Variants in ARL5B observed in about 807,000 individuals in gnomAD.
ARL5B encodes ARF like GTPase 5B.
A neutral mutation model predicts 26.9 loss-of-function variants in ARL5B; 10 were observed. The ratio of observed to expected loss-of-function variants is 0.37; its 90% CI spans 0.23 to 0.63. ARL5B has a LOEUF of 0.63. Among genes scored for constraint, ARL5B ranks in the 30% least tolerant of loss-of-function variants. ARL5B has a pLI of 0.62. For missense variants in ARL5B, 167 were observed against 213.9 expected (o/e 0.78, Z 1.37); for synonymous variants, 87 against 70.4 (o/e 1.24, Z -1.18).
intron 3 of ARL5B, among the ~76,000 whole-genome samples, chr10:18,671,751 A>G (rs955271329): frequency 1.3e-5 from 2 of 151,576 alleles, no homozygotes; most frequent in Non-Finnish European, 2.9e-5. Context: ...TACAGCCTCA[A>G]CTTCCTAGGC....
At chr10:18,665,808 A>G (rs886620640) in intron 1 of ARL5B, among the ~76,000 whole-genome samples, 1 of 152,228 alleles carries the variant, frequency 6.6e-6, no homozygotes, top group African/African-American at 2.4e-5. Context: ...TCTAGGAAAG[A>G]TGGTATCTGG....
chr10:18,676,001 T>C lies in ARL5B; in HGVS notation c.*785T>C, dbSNP rs2059908886. ...TAAGAATATCACATTATTCAATGCA[T>C]ATAAAACTATCAGAAGTTAGTAAAT... On this transcript the variant is annotated 3_prime_UTR_variant, in exon 6 of 6. Coordinates refer to ENST00000377275, the MANE Select transcript of ARL5B (RefSeq NM_178815.5). 6.6e-6 allele frequency: 1 copy of C among 152,102 alleles called. No homozygotes were observed. Among genetic ancestry groups the C allele is most frequent in the African/African-American group, 2.4e-5 (1 of 41,438 alleles). 9.4% of individuals were successfully genotyped at this position (152,102 alleles called of 1,614,324 possible).
intron 1 of ARL5B, among the ~76,000 whole-genome samples, chr10:18,661,131 G>A (rs1358473488): frequency 6.6e-6 from 1 of 152,226 alleles, no homozygotes; most frequent in Non-Finnish European, 1.5e-5. Context: ...TTACAGGTGT[G>A]AGCCACCGCG....
At position 18,679,763 on chromosome 10, in the gene ARL5B, C is replaced by A. The variant is rs1272699016; in HGVS notation, c.*4547C>A. The A allele has an allele frequency of 6.6e-6, 1 of 151,770 alleles. No individual in the cohort carries two copies. Among genetic ancestry groups the A allele is most frequent in the Non-Finnish European group, 1.5e-5 (1 of 67,832 alleles). The allele number at this position is 151,770 out of a possible 1,614,324, so 9.4% of individuals were successfully genotyped here. On this transcript the variant is annotated 3_prime_UTR_variant, in exon 6 of 6. Coordinates refer to ENST00000377275, the MANE Select transcript of ARL5B (RefSeq NM_178815.5). ...GCATACGAAAAACAAATTCAAAGCA[C>A]TTGAAAGTAAAGACAATATCATGAG...
At chr10:18,666,764 AT>A in intron 2 of ARL5B, 129 bp downstream of exon 2, 3 of 701,130 alleles carry the variant, frequency 4.3e-6, no homozygotes, top group Non-Finnish European at 6.6e-6. Flanking sequence ...TGTTTTTTTA[AT>A]TTTACCGAAC....
intron 1 of ARL5B, among the ~76,000 whole-genome samples, chr10:18,661,860 G>C (rs1438625609): frequency 6.6e-6 from 1 of 152,152 alleles, no homozygotes; most frequent in African/African-American, 2.4e-5. Flanking sequence ...GGTACTTTTA[G>C]GGAAGCTGAA....
In ARL5B at chr10:18,677,851, T is replaced by C. The variant is rs2059916841; in HGVS notation, c.*2635T>C. ...CCTCCATGTATTGGTTAGCACAGTT[T>C]ATAGTAAGTGAAAAGCAAGGGACCC... On this transcript the variant is annotated 3_prime_UTR_variant, in exon 6 of 6. Transcript: ENST00000377275. 1 of 152,194 alleles carries C rather than the reference T, an allele frequency of 6.6e-6. No individual in the cohort carries two copies. Among genetic ancestry groups the C allele is most frequent in the South Asian group, 2.1e-4 (1 of 4,828 alleles). The allele number at this position is 152,194 out of a possible 1,614,324, so 9.4% of individuals were successfully genotyped here. A position where few individuals can be genotyped will look rare whatever the true frequency, so the allele number is the denominator to read the frequency against.
At position 18,679,743 on chromosome 10, in the gene ARL5B, C is replaced by T. The variant is rs1358210278; in HGVS notation, c.*4527C>T. 1 of 151,608 alleles carries T rather than the reference C, an allele frequency of 6.6e-6. No individual in the cohort carries two copies. The highest frequency in any genetic ancestry group is 1.5e-5 in the Non-Finnish European group (1 of 67,822). 9.4% of individuals were successfully genotyped at this position (151,608 alleles called of 1,614,324 possible). On this transcript the variant is annotated 3_prime_UTR_variant, in exon 6 of 6. Coordinates refer to ENST00000377275, the MANE Select transcript of ARL5B (RefSeq NM_178815.5). ...ATTAATTTGGAGGTTTAGAAGCATA[C>T]GAAAAACAAATTCAAAGCACTTGAA...
Position 18,667,152 on chromosome 10 carries a change from T to A in ARL5B, c.107+517T>A, listed in dbSNP as rs147798566. 1.9e-3 allele frequency among the ~76,000 whole-genome samples: 293 copies of A among 152,362 alleles called. 1 individual carries two copies. Among genetic ancestry groups the A allele is most frequent in the African/African-American group, 6.6e-3 (276 of 41,590 alleles). ...AATTTTCACAGCTCATCATTCCACT[T>A]GTCAGAGTACCTTCCATTATCCTTT... is the stretch of plus-strand genomic sequence containing the variant. On this transcript the variant is annotated intron_variant, in intron 2 of 5. Coordinates refer to ENST00000377275, the MANE Select transcript of ARL5B (RefSeq NM_178815.5).
intron 1 of ARL5B, 163 bp downstream of exon 1, chr10:18,659,846 A>G (rs147434932): frequency 1.8e-5 from 18 of 985,382 alleles, no homozygotes; most frequent in Middle Eastern, 5.2e-4. Context: ...TGGAGGACGT[A>G]CAGGAGAGAC....
Position 18,672,619 on chromosome 10 carries a change from T to A in ARL5B, c.256-3T>A. ...TCTGTCTTTCCTTTTAATTTTCTTC[T>A]AGTTCATCATTCTTGTTGTTGATAG... On this transcript the variant is annotated splice_polypyrimidine_tract_variant and splice_region_variant and intron_variant, in intron 3 of 5. Coordinates refer to ENST00000377275, the MANE Select transcript of ARL5B (RefSeq NM_178815.5). 6.2e-7 allele frequency: 1 copy of A among 1,602,024 alleles called. No individual in the cohort carries two copies. The highest frequency in any genetic ancestry group is 8.5e-7 in the Non-Finnish European group (1 of 1,174,134).
Position 18,672,783 on chromosome 10 carries a change from A to C in ARL5B, c.339+78A>C, listed in dbSNP as rs1354417886. On this transcript the variant is annotated intron_variant, in intron 4 of 5. Coordinates refer to ENST00000377275, the MANE Select transcript of ARL5B (RefSeq NM_178815.5). Reference sequence around the variant, plus strand: ...TTGCCTTTGCTTTTTTGCAAAGATTAATGTGATATGATGTTGGCTATTTTA... The same window carrying C: ...TTGCCTTTGCTTTTTTGCAAAGATTCATGTGATATGATGTTGGCTATTTTA... 3.2e-6 allele frequency: 3 copies of C among 929,126 alleles called. No individual in the cohort carries two copies. In the East Asian group the frequency reaches 7.5e-5, roughly 23 times the overall value. The allele number at this position is 929,126 out of a possible 1,614,324, so 57.6% of individuals were successfully genotyped here. A position where few individuals can be genotyped will look rare whatever the true frequency, so the allele number is the denominator to read the frequency against.
chr10:18,672,565 A>C lies in ARL5B; in HGVS notation c.256-57A>C, dbSNP rs2059892614. 1.4e-5 allele frequency: 18 copies of C among 1,313,910 alleles called. No individual in the cohort carries two copies. In the Admixed American group the frequency reaches 3.2e-4, roughly 24 times the overall value. 81.4% of individuals were successfully genotyped at this position (1,313,910 alleles called of 1,614,324 possible). A position where few individuals can be genotyped will look rare whatever the true frequency, so the allele number is the denominator to read the frequency against. ...ACTTAGATTACTTGAGTAGTTTTAC[A>C]GAAAACTTTTCAGCATCCCATTCAA... On this transcript the variant is annotated intron_variant, in intron 3 of 5. Coordinates refer to ENST00000377275, the MANE Select transcript of ARL5B (RefSeq NM_178815.5).
chr10:18,659,777 G>A, intron 1 of ARL5B, 94 bp downstream of exon 1: 1 of 1,559,650 alleles, frequency 6.4e-7, no homozygotes, highest in South Asian at 1.2e-5. Flanking sequence ...AGCGTTCGGA[G>A]ACGCGGAGGA....
At position 18,677,704 on chromosome 10, in the gene ARL5B, T is replaced by G. The variant is rs2059916213; in HGVS notation, c.*2488T>G. On this transcript the variant is annotated 3_prime_UTR_variant, in exon 6 of 6. Coordinates refer to ENST00000377275, the MANE Select transcript of ARL5B (RefSeq NM_178815.5). The stretch of plus-strand genomic sequence containing the variant: ...TGTCTAAAAAATGTACATTTGTAAT[T>G]AGTGCCTTTATTCATATTTTGAAAT... 1 of 152,300 alleles carries G rather than the reference T, an allele frequency of 6.6e-6. No individual in the cohort carries two copies. Among genetic ancestry groups the G allele is most frequent in the South Asian group, 2.1e-4 (1 of 4,830 alleles). 9.4% of individuals were successfully genotyped at this position (152,300 alleles called of 1,614,324 possible).
Position 18,668,696 on chromosome 10 carries a change from T to G in ARL5B, c.255+19T>G. 1 of 1,610,252 alleles carries G rather than the reference T, an allele frequency of 6.2e-7. No homozygotes were observed. Among genetic ancestry groups the G allele is most frequent in the Non-Finnish European group, 8.5e-7 (1 of 1,178,050 alleles). On this transcript the variant is annotated intron_variant, in intron 3 of 5. Transcript: ENST00000377275. ...TACAGAGGTATGCTAAGATGAATTT[T>G]GAATTTTAATCCAAAGGTCCCTAGA... is the stretch of plus-strand genomic sequence containing the variant.
At chr10:18,663,685 A>T (rs2059847458) in intron 1 of ARL5B, among the ~76,000 whole-genome samples, 1 of 150,136 alleles carries the variant, frequency 6.7e-6, no homozygotes, top group Non-Finnish European at 1.5e-5. Flanking sequence ...AGTAGCTGGG[A>T]CTACAGGTGT....
intron 4 of ARL5B, among the ~76,000 whole-genome samples, chr10:18,673,234 GTA>G (rs1258269699): frequency 6.6e-6 from 1 of 151,748 alleles, no homozygotes; most frequent in Non-Finnish European, 1.5e-5. Context: ...GTTAATTTTT[GTA>G]TTTTTAGTAG....
chr10:18,666,475 A>T (rs867377356), intron 1 of ARL5B, 100 bp from the exon 2 acceptor site: 202 of 966,908 alleles, frequency 2.1e-4, no homozygotes, highest in Middle Eastern at 6.6e-4. Context: ...TATTCAGTGA[A>T]TGATTCTCAT....
Sources: gnomAD v4.1 joint callset for allele counts (sites outside exome capture counted in the v4.1 genomes callset) on GRCh38, gnomAD v4.1.1 for gene constraint, MANE v1.5 for transcripts, NCBI Gene and HGNC (gene_info 2026-07-23, HGNC 2026-07-21) for gene names.